The following XPR1 variants were observed in gnomAD, a reference collection of about 807,000 sequenced individuals.
The protein encoded by XPR1 is solute carrier family 53 member 1.
A neutral mutation model predicts 87.5 loss-of-function variants in XPR1; 28 were observed. The ratio of observed to expected loss-of-function variants is 0.32; its 90% CI spans 0.24 to 0.44. XPR1 has a LOEUF of 0.44. Ranked by LOEUF, XPR1 falls within the 20% of genes least tolerant of loss-of-function variation. XPR1 has a pLI of 1.00. For synonymous variants in XPR1, 300 were observed against 306.1 expected, an observed-to-expected ratio of 0.98 and a Z score of 0.21; for missense variants, 559 against 862.3, an observed-to-expected ratio of 0.65 and a Z score of 4.41.
chr1:180,749,461 C>CA, intron 2 of XPR1, among the ~76,000 whole-genome samples: 1 of 151,964 alleles, frequency 6.6e-6, no homozygotes, highest in East Asian at 1.9e-4. Context: ...GACCTATACT[C>CA]ATTCATTAGT....
intron 6 of XPR1, among the ~76,000 whole-genome samples, chr1:180,809,176 A>G (rs1184887826): frequency 6.6e-6 from 1 of 152,182 alleles, no homozygotes; most frequent in Admixed American, 6.5e-5. Flanking sequence ...ACTATATGAT[A>G]TCATTAACCT....
chr1:180,877,127 AC>A (rs1652689931), intron 13 of XPR1, among the ~76,000 whole-genome samples: 1 of 152,242 alleles, frequency 6.6e-6, no homozygotes, highest in African/African-American at 2.4e-5. Flanking sequence ...TCAGATATAT[AC>A]CTAGGAATAG....
At chr1:180,823,891 C>T (rs531900893) in intron 7 of XPR1, among the ~76,000 whole-genome samples, 4 of 152,298 alleles carry the variant, frequency 2.6e-5, no homozygotes, top group Non-Finnish European at 5.9e-5. Flanking sequence ...ACCAATTATT[C>T]TATGTAAAAA....
intron 3 of XPR1, among the ~76,000 whole-genome samples, chr1:180,798,863 C>T (rs1649682648): frequency 6.6e-6 from 1 of 152,184 alleles, no homozygotes; most frequent in South Asian, 2.1e-4. Context: ...ATCCACCTGC[C>T]TCAGCCTCCC....
intron 12 of XPR1, among the ~76,000 whole-genome samples, chr1:180,865,464 G>A (rs1225514062): frequency 3.3e-5 from 5 of 150,176 alleles, no homozygotes; most frequent in African/African-American, 7.4e-5. Flanking sequence ...GCAGTGGCAC[G>A]ATCTCGGCTC....
chr1:180,794,445 T>G (rs933804020), intron 3 of XPR1, among the ~76,000 whole-genome samples: 1 of 152,200 alleles, frequency 6.6e-6, no homozygotes, highest in Non-Finnish European at 1.5e-5. Context: ...TATAGTAGAA[T>G]AGAAAGTATC....
At chr1:180,682,180 C>A (rs1482750691) in intron 1 of XPR1, among the ~76,000 whole-genome samples, 180 bp from the exon 2 acceptor site, 3 of 152,058 alleles carry the variant, frequency 2.0e-5, no homozygotes, top group Admixed American at 6.5e-5. Flanking sequence ...TTGGACAATA[C>A]TGGATTGATG....
chr1:180,836,213 C>G (rs1343581701), intron 10 of XPR1, among the ~76,000 whole-genome samples: 7 of 151,992 alleles, frequency 4.6e-5, no homozygotes, highest in African/African-American at 1.4e-4. Context: ...ACAAAATTAG[C>G]TGGGTGTGGT....
intron 1 of XPR1, among the ~76,000 whole-genome samples, chr1:180,636,542 C>G (rs1654764572): frequency 6.6e-6 from 1 of 152,146 alleles, no homozygotes; most frequent in Non-Finnish European, 1.5e-5. Flanking sequence ...TTTGGATCAG[C>G]TTTTGGGTGA....
intron 11 of XPR1, among the ~76,000 whole-genome samples, chr1:180,841,568 G>A (rs1316970659): frequency 6.6e-6 from 1 of 152,134 alleles, no homozygotes; most frequent in African/African-American, 2.4e-5. Context: ...CTATATGTGT[G>A]TCTTCCTTTA....
intron 2 of XPR1, among the ~76,000 whole-genome samples, chr1:180,760,961 G>C (rs531897849): frequency 1.3e-5 from 2 of 151,934 alleles, no homozygotes; most frequent in African/African-American, 4.8e-5. Context: ...AAATAATGCC[G>C]CATATCTACA....
rs1457447122 is a variant in XPR1, at chr1:180,632,186, AG to A, written c.-11del. On this transcript the variant is annotated 5_prime_UTR_variant, in exon 1 of 15. Transcript: ENST00000367590. ...TAGCTGCTGGACCCGAGTGGGAGTG[AG>A]GGGGAAACGGCAGGATGAAGTTCGC... 1 of 1,602,456 alleles carries A rather than the reference AG, an allele frequency of 6.2e-7. No individual in the cohort carries two copies. Among genetic ancestry groups the A allele is most frequent in the Non-Finnish European group, 8.5e-7 (1 of 1,174,616 alleles).
intron 2 of XPR1, among the ~76,000 whole-genome samples, chr1:180,713,335 T>G (rs1657872530): frequency 1.3e-5 from 2 of 152,208 alleles, no homozygotes; most frequent in African/African-American, 4.8e-5. Flanking sequence ...TTTTATATAT[T>G]GATCTTGTGC....
intron 2 of XPR1, among the ~76,000 whole-genome samples, chr1:180,769,939 G>A (rs1401630549): frequency 6.6e-6 from 1 of 152,174 alleles, no homozygotes; most frequent in African/African-American, 2.4e-5. Context: ...GCCAGCATTT[G>A]TTATTGCCTG....
chr1:180,647,373 T>C (rs1349015609), intron 1 of XPR1, among the ~76,000 whole-genome samples: 1 of 152,256 alleles, frequency 6.6e-6, no homozygotes, highest in African/African-American at 2.4e-5. Context: ...CTACAACAGT[T>C]GTGACTTTAC....
intron 3 of XPR1, among the ~76,000 whole-genome samples, chr1:180,791,700 A>AT (rs1649397685): frequency 6.6e-6 from 1 of 152,100 alleles, no homozygotes; most frequent in Non-Finnish European, 1.5e-5. Context: ...AATTTAAGAT[A>AT]TTTTTTCATG....
At chr1:180,850,751 A>T (rs1651837526) in intron 11 of XPR1, among the ~76,000 whole-genome samples, 1 of 152,126 alleles carries the variant, frequency 6.6e-6, no homozygotes, top group Non-Finnish European at 1.5e-5. Context: ...TAAGGCCTGG[A>T]GTTCGAGACT....
chr1:180,855,961 T>G (rs1053679826), intron 11 of XPR1, among the ~76,000 whole-genome samples: 9 of 152,168 alleles, frequency 5.9e-5, no homozygotes, highest in African/African-American at 1.7e-4. Flanking sequence ...CAGTTGTCCC[T>G]TGTTTTTCCC....
At chr1:180,808,706 A>G (rs1403101133) in intron 6 of XPR1, among the ~76,000 whole-genome samples, 1 of 152,232 alleles carries the variant, frequency 6.6e-6, no homozygotes, top group Non-Finnish European at 1.5e-5. Flanking sequence ...GCTCAATATC[A>G]TTAGGCATTA....
Sources: allele counts gnomAD v4.1 joint callset (sites outside exome capture counted in the v4.1 genomes callset), GRCh38; gene constraint gnomAD v4.1.1; transcripts MANE v1.5; gene names NCBI Gene and HGNC (gene_info 2026-07-23, HGNC 2026-07-21).